Variants in BBS9 observed in about 807,000 individuals in gnomAD.
BBS9 encodes the protein protein PTHB1.
Under a neutral mutation model 117.7 loss-of-function variants are expected in BBS9, and 89 were observed. The ratio of observed to expected loss-of-function variants is 0.76; its 90% CI spans 0.64 to 0.90. The LOEUF is 0.90. BBS9 is among the 40% of genes least tolerant of loss of function. BBS9 has a pLI of 0.00. For missense variants in BBS9, 982 were observed against 1,042.2 expected, an observed-to-expected ratio of 0.94 and a Z score of 0.80; for synonymous variants, 379 against 370.9, an observed-to-expected ratio of 1.02 and a Z score of -0.25.
chr7:33,323,248 A>G (rs1812105982), intron 9 of BBS9, among the ~76,000 whole-genome samples: 1 of 151,994 alleles, frequency 6.6e-6, no homozygotes, highest in Non-Finnish European at 1.5e-5. Context: ...TGTTACTTCT[A>G]TTTGGTTTGT....
chr7:33,245,640 T>C (rs575663733), intron 5 of BBS9, among the ~76,000 whole-genome samples: 1 of 152,272 alleles, frequency 6.6e-6, no homozygotes, highest in South Asian at 2.1e-4. Flanking sequence ...AATATGGTGA[T>C]ACTTTCAAAC....
chr7:33,132,010 G>A (rs934595776), intron 1 of BBS9, among the ~76,000 whole-genome samples: 2 of 152,154 alleles, frequency 1.3e-5, no homozygotes, highest in African/African-American at 4.8e-5. Context: ...TTCTAATAAG[G>A]CATTAGAAAC....
intron 19 of BBS9, among the ~76,000 whole-genome samples, chr7:33,482,406 G>C (rs555569885): frequency 6.6e-6 from 1 of 152,100 alleles, no homozygotes; most frequent in Non-Finnish European, 1.5e-5. Context: ...TTTAAAAAAG[G>C]CTTTGTTTCC....
intron 19 of BBS9, among the ~76,000 whole-genome samples, chr7:33,439,454 T>C (rs1262792059): frequency 1.3e-5 from 2 of 152,144 alleles, no homozygotes; most frequent in African/African-American, 2.4e-5. Context: ...TCAGCTTTCA[T>C]TATTTCAGAC....
chr7:33,556,054 C>T (rs116423174), intron 21 of BBS9, among the ~76,000 whole-genome samples: 54 of 152,258 alleles, frequency 3.5e-4, no homozygotes, highest in African/African-American at 1.3e-3. Context: ...CTTGGTAGTG[C>T]ACAATGTTAT....
chr7:33,510,904 A>T (rs1057029016), intron 20 of BBS9, among the ~76,000 whole-genome samples: 2 of 152,210 alleles, frequency 1.3e-5, no homozygotes, highest in African/African-American at 4.8e-5. Context: ...TAGGATACTG[A>T]CATTAAGTTA....
At chr7:33,446,231 A>G (rs1836973803) in intron 19 of BBS9, among the ~76,000 whole-genome samples, 1 of 152,180 alleles carries the variant, frequency 6.6e-6, no homozygotes. Flanking sequence ...GAGGCCTTAA[A>G]AATTCAGTCT....
Position 33,257,233 on chromosome 7 carries a change from T to C in BBS9, c.443-3T>C. The C allele has an allele frequency of 6.2e-7, 1 of 1,600,774 alleles. No individual in the cohort carries two copies. The highest frequency in any genetic ancestry group is 8.5e-7 in the Non-Finnish European group (1 of 1,169,772). On this transcript the variant is annotated splice_polypyrimidine_tract_variant and splice_region_variant and intron_variant, in intron 5 of 22. Coordinates refer to ENST00000242067, the MANE Select transcript of BBS9 (RefSeq NM_198428.3). Reference sequence around the variant, plus strand: ...TATCTAATTTTCTCTAATTCTTCTTTAGGTCGAGATTTAATTTGCATCCAG... The same window carrying C: ...TATCTAATTTTCTCTAATTCTTCTTCAGGTCGAGATTTAATTTGCATCCAG...
chr7:33,351,560 CTG>C (rs1350759884), intron 14 of BBS9: 4 of 503,656 alleles, frequency 7.9e-6, no homozygotes, highest in Non-Finnish European at 1.4e-5. Flanking sequence ...AATAGCAAAT[CTG>C]ATACATTTTT....
intron 1 of BBS9, among the ~76,000 whole-genome samples, chr7:33,138,586 G>T (rs1790936537): frequency 6.6e-6 from 1 of 151,092 alleles, no homozygotes; most frequent in African/African-American, 2.4e-5. Context: ...AGGAGCTAAC[G>T]AAGTGGTGGG....
At chr7:33,148,168 G>T (rs1209252935) in intron 2 of BBS9, among the ~76,000 whole-genome samples, 1 of 152,178 alleles carries the variant, frequency 6.6e-6, no homozygotes, top group Non-Finnish European at 1.5e-5. Flanking sequence ...CTCTGTTTAA[G>T]ATAGGAATGT....
chr7:33,217,283 A>T (rs1789267293), intron 5 of BBS9, among the ~76,000 whole-genome samples: 1 of 151,958 alleles, frequency 6.6e-6, no homozygotes, highest in South Asian at 2.1e-4. Flanking sequence ...ATGTTGATGT[A>T]TTTATGGTAT....
chr7:33,547,383 A>G (rs1271548294), intron 21 of BBS9, among the ~76,000 whole-genome samples: 1 of 152,204 alleles, frequency 6.6e-6, no homozygotes, highest in East Asian at 1.9e-4. Flanking sequence ...GTATAGCAAG[A>G]TGAGAGTGCC....
At chr7:33,358,030 A>AAAATGCT (rs1444266745) in intron 16 of BBS9, 35 bp downstream of exon 16, 2 of 1,599,696 alleles carry the variant, frequency 1.3e-6, no homozygotes, top group South Asian at 2.2e-5. Flanking sequence ...TGCAGCATCA[A>AAAATGCT]AAATGCTAAG....
intron 1 of BBS9, among the ~76,000 whole-genome samples, chr7:33,144,116 A>G (rs1193047192): frequency 6.6e-6 from 1 of 152,168 alleles, no homozygotes. Context: ...AGAGATGTTC[A>G]GTAACTTTTA....
chr7:33,578,028 G>A (rs1859235426), intron 21 of BBS9, among the ~76,000 whole-genome samples: 2 of 152,282 alleles, frequency 1.3e-5, no homozygotes, highest in African/African-American at 4.8e-5. Context: ...TTGTGCACAT[G>A]TACCCTAGAA....
chr7:33,415,231 G>A (rs1831790626), intron 19 of BBS9, among the ~76,000 whole-genome samples: 1 of 152,154 alleles, frequency 6.6e-6, no homozygotes, highest in South Asian at 2.1e-4. Flanking sequence ...CTTGTAAAAT[G>A]TTCCAGTATA....
intron 12 of BBS9, chr7:33,346,327 G>A (rs1375632792): frequency 1.5e-5 from 7 of 463,458 alleles, no homozygotes; most frequent in Non-Finnish European, 3.1e-5. Context: ...TGGCTACCTT[G>A]AGTATGTGTG....
At chr7:33,572,232 C>T (rs541144984) in intron 21 of BBS9, among the ~76,000 whole-genome samples, 10 of 152,108 alleles carry the variant, frequency 6.6e-5, no homozygotes, top group East Asian at 1.9e-4. Flanking sequence ...TTTCACTTAA[C>T]GTAATGTCCT....
Sources: allele counts gnomAD v4.1 joint callset (sites outside exome capture counted in the v4.1 genomes callset), GRCh38; gene constraint gnomAD v4.1.1; transcripts MANE v1.5; gene names NCBI Gene and HGNC (gene_info 2026-07-23, HGNC 2026-07-21).